The following SLC35D4 variants were observed in gnomAD, a reference collection of about 807,000 sequenced individuals.
The protein encoded by SLC35D4 is solute carrier family 35 member D4.
At chr18:23,268,525 T>C in the SLC35D4 span, among the ~76,000 whole-genome samples, 1 of 152,122 alleles carries the variant, frequency 6.6e-6, no homozygotes, top group Admixed American at 6.6e-5. Context: ...CCCCAGGTGA[T>C]GTTTCTCCAG....
the SLC35D4 span, among the ~76,000 whole-genome samples, chr18:23,374,002 G>C: frequency 6.6e-6 from 1 of 152,150 alleles, no homozygotes; most frequent in African/African-American, 2.4e-5. Flanking sequence ...CCCAGAGTCA[G>C]GCATTTACAG....
the SLC35D4 span, among the ~76,000 whole-genome samples, chr18:23,245,802 G>C: frequency 6.6e-6 from 1 of 152,262 alleles, no homozygotes; most frequent in African/African-American, 2.4e-5. Flanking sequence ...GTGCTCGACA[G>C]TGCATTCAAG....
the SLC35D4 span, among the ~76,000 whole-genome samples, chr18:23,260,779 T>G: frequency 6.6e-6 from 1 of 152,122 alleles, no homozygotes; most frequent in Non-Finnish European, 1.5e-5. Context: ...GTAAGCACAG[T>G]GCTGAGGGCC....
At chr18:23,376,186 A>C in the SLC35D4 span, among the ~76,000 whole-genome samples, 1 of 152,262 alleles carries the variant, frequency 6.6e-6, no homozygotes. Context: ...CTACATAGAG[A>C]CTACATGTTT....
At chr18:23,421,295 A>G in the SLC35D4 span, 4 of 1,246,676 alleles carry the variant, frequency 3.2e-6, no homozygotes, top group African/African-American at 6.0e-5. Flanking sequence ...GTGTAACACC[A>G]TATGAAATTA....
chr18:23,353,440 A>G, the SLC35D4 span, among the ~76,000 whole-genome samples: 9 of 152,170 alleles, frequency 5.9e-5, no homozygotes, highest in Non-Finnish European at 1.3e-4. Flanking sequence ...GTTACGGTAC[A>G]CATTAACTAA....
chr18:23,353,817 C>G, the SLC35D4 span, among the ~76,000 whole-genome samples: 3 of 152,290 alleles, frequency 2.0e-5, no homozygotes. Context: ...GTAACCTTAA[C>G]CAAATCCCCC....
the SLC35D4 span, among the ~76,000 whole-genome samples, chr18:23,269,914 G>C: frequency 6.6e-6 from 1 of 152,164 alleles, no homozygotes; most frequent in Non-Finnish European, 1.5e-5. Flanking sequence ...CAAAAAGTTT[G>C]GAAAATTTGC....
At chr18:23,319,654 G>T in the SLC35D4 span, among the ~76,000 whole-genome samples, 1 of 152,124 alleles carries the variant, frequency 6.6e-6, no homozygotes, top group South Asian at 2.1e-4. Context: ...GGCCAGGCTG[G>T]TCTCAAACTC....
the SLC35D4 span, among the ~76,000 whole-genome samples, chr18:23,272,545 G>T: frequency 6.6e-6 from 1 of 152,146 alleles, no homozygotes; most frequent in Non-Finnish European, 1.5e-5. Context: ...GGGATGAGTA[G>T]GAGATCAGAA....
chr18:23,259,322 GGA>G, the SLC35D4 span: 4 of 150,332 alleles, frequency 2.7e-5, no homozygotes, highest in Non-Finnish European at 5.9e-5. Flanking sequence ...CAAGCTCTGG[GGA>G]GTGGGGTGGG....
the SLC35D4 span, among the ~76,000 whole-genome samples, chr18:23,404,059 A>C: frequency 6.6e-6 from 1 of 152,068 alleles, no homozygotes; most frequent in Non-Finnish European, 1.5e-5. Context: ...CAGAGATTGC[A>C]GTGAGCCGAG....
chr18:23,420,712 AT>A, the SLC35D4 span, among the ~76,000 whole-genome samples: 2 of 152,282 alleles, frequency 1.3e-5, no homozygotes, highest in South Asian at 4.1e-4. Context: ...CTAAAAAAAA[AT>A]TTTAAGCTAA....
the SLC35D4 span, among the ~76,000 whole-genome samples, chr18:23,265,532 C>G: frequency 8.5e-5 from 12 of 140,892 alleles, no homozygotes; most frequent in Admixed American, 2.9e-4. Context: ...TGGATAGGAA[C>G]AGTCAAAAAT....
At chr18:23,273,364 C>T in the SLC35D4 span, among the ~76,000 whole-genome samples, 5 of 152,214 alleles carry the variant, frequency 3.3e-5, no homozygotes, top group South Asian at 2.1e-4. Flanking sequence ...GACACTGGGA[C>T]GGTGAATGAG....
chr18:23,371,562 C>A, the SLC35D4 span: 1 of 1,011,554 alleles, frequency 9.9e-7, no homozygotes, highest in Non-Finnish European at 1.4e-6. Context: ...CATCAATGCT[C>A]AGTGCCAAGC....
At chr18:23,404,943 A>C in the SLC35D4 span, among the ~76,000 whole-genome samples, 2 of 125,994 alleles carry the variant, frequency 1.6e-5, no homozygotes, top group Non-Finnish European at 3.2e-5. Flanking sequence ...CTGAGATGGC[A>C]CCACTGCTCT....
chr18:23,348,734 T>C, the SLC35D4 span, among the ~76,000 whole-genome samples: 1 of 152,248 alleles, frequency 6.6e-6, no homozygotes, highest in Non-Finnish European at 1.5e-5. Context: ...TACTTTAAGG[T>C]ATAACTGTTA....
the SLC35D4 span, among the ~76,000 whole-genome samples, chr18:23,431,869 G>A: frequency 6.6e-6 from 1 of 152,026 alleles, no homozygotes; most frequent in Non-Finnish European, 1.5e-5. Flanking sequence ...ACCATTAAAC[G>A]GCTTTAGGCA....
Sources: allele counts gnomAD v4.1 joint callset (sites outside exome capture counted in the v4.1 genomes callset), GRCh38; gene constraint gnomAD v4.1.1; transcripts MANE v1.5; gene names NCBI Gene and HGNC (gene_info 2026-07-23, HGNC 2026-07-21).